Variants in CD84 observed in about 807,000 individuals in gnomAD.
CD84 encodes the protein SLAM family member 5.
A neutral mutation model predicts 33.8 loss-of-function variants in CD84; 22 were observed. The observed-to-expected ratio is 0.65, with a 90% CI of 0.46 to 0.93. The LOEUF is 0.93. CD84 is among the 40% of genes least tolerant of loss of function. The probability of loss-of-function intolerance (pLI) is 0.00; values close to 1 mark genes in which losing one functional copy is unlikely to be tolerated. For synonymous variants in CD84, 154 were observed against 145.2 expected (o/e 1.06, Z -0.44); for missense variants, 400 against 397.6 (o/e 1.01, Z -0.05).
At chr1:160,574,734 T>G (rs2102209860) in intron 1 of CD84, among the ~76,000 whole-genome samples, 1 of 152,238 alleles carries the variant, frequency 6.6e-6, no homozygotes, top group African/African-American at 2.4e-5. Flanking sequence ...GTCAGTAACC[T>G]CTCTGTGCCT....
In CD84 at chr1:160,553,995, G is replaced by A. The variant is rs1452229493; in HGVS notation, c.540C>T (p.Ile180=). The stretch of plus-strand genomic sequence containing the variant: ...GCTCTTGGTCCTCAGGAGTCTGGAA[G>A]ATTTGAAGGACATTACCCTCTTCTC... ...PLGEEGNVLQ[I]FQTPEDQELT... The change falls in exon 3 of 7, where the codon ATC becomes ATT. Residue 180 remains isoleucine, a synonymous_variant. Transcript: ENST00000368054. 7 of 1,614,228 alleles carry A rather than the reference G, an allele frequency of 4.3e-6. No individual in the cohort carries two copies. The South Asian group carries it at 7.7e-5, about 18-fold the overall frequency.
At position 160,551,030 on chromosome 1, in the gene CD84, C is replaced by T. The variant is rs1281856490; in HGVS notation, c.766G>A (p.Ala256Thr). ...FRLFKRRQDA[A>T]SKKTIYTYIM... ...TATGTGTATATGGTTTTCTTTGAGG[C>T]AGCATCTGTCTCACAAATAAATATA... The change falls in exon 5 of 7, where the codon GCC becomes ACC. Residue 256 changes from alanine (A) to threonine (T), a missense_variant. Transcript: ENST00000368054. 5 of 1,611,876 alleles carry T rather than the reference C, an allele frequency of 3.1e-6. No homozygotes were observed. The East Asian group carries it at 1.1e-4, about 36-fold the overall frequency.
At chr1:160,568,798 T>C (rs1410753127) in intron 1 of CD84, among the ~76,000 whole-genome samples, 2 of 152,080 alleles carry the variant, frequency 1.3e-5, no homozygotes, top group Non-Finnish European at 2.9e-5. Flanking sequence ...TTTTTGTATT[T>C]TTAGTAGAGA....
At chr1:160,555,454 A>G (rs1204483406) in intron 2 of CD84, among the ~76,000 whole-genome samples, 2 of 152,162 alleles carry the variant, frequency 1.3e-5, no homozygotes, top group East Asian at 3.8e-4. Context: ...TTTAAAAACT[A>G]TCCATGGTGG....
At chr1:160,573,368 A>G (rs1438014027) in intron 1 of CD84, among the ~76,000 whole-genome samples, 1 of 152,108 alleles carries the variant, frequency 6.6e-6, no homozygotes, top group Admixed American at 6.5e-5. Flanking sequence ...TCTATTAAAA[A>G]TGAACACAGT....
chr1:160,567,576 G>T (rs1657409419), intron 1 of CD84, among the ~76,000 whole-genome samples: 1 of 152,156 alleles, frequency 6.6e-6, no homozygotes, highest in Non-Finnish European at 1.5e-5. Context: ...GGGACACAGG[G>T]ATAAACAGGA....
intron 1 of CD84, among the ~76,000 whole-genome samples, chr1:160,577,531 T>C (rs747281530): frequency 6.6e-6 from 1 of 152,174 alleles, no homozygotes; most frequent in Non-Finnish European, 1.5e-5. Context: ...CTAGTTTCCT[T>C]TTCCAGAACC....
chr1:160,560,941 C>T (rs1474325721), intron 2 of CD84, among the ~76,000 whole-genome samples: 1 of 152,024 alleles, frequency 6.6e-6, no homozygotes, highest in Non-Finnish European at 1.5e-5. Flanking sequence ...CAAGACTGAG[C>T]CAGGAAGAAG....
intron 1 of CD84, among the ~76,000 whole-genome samples, chr1:160,574,168 A>G (rs1186053848): frequency 1.3e-5 from 2 of 151,792 alleles, no homozygotes; most frequent in Non-Finnish European, 2.9e-5. Context: ...AATCTTTTCC[A>G]ACAATAGAAA....
rs1233836925 is a variant in CD84 at position 160,545,299 on chromosome 1, G to A, written c.*2957C>T. On this transcript the variant is annotated 3_prime_UTR_variant, in exon 7 of 7. Coordinates refer to ENST00000368054, the MANE Select transcript of CD84 (RefSeq NM_003874.4). ...TTAGGACACTAGTAATTTTACTTGA[G>A]TGAGCATATTAGGAAGAGGAAGAGG... 6.6e-6 allele frequency: 1 copy of A among 152,202 alleles called. No individual in the cohort carries two copies. Among genetic ancestry groups the A allele is most frequent in the Non-Finnish European group, 1.5e-5 (1 of 68,054 alleles). 9.4% of individuals were successfully genotyped at this position (152,202 alleles called of 1,614,324 possible).
At chr1:160,558,598 T>C (rs1445974968) in intron 2 of CD84, among the ~76,000 whole-genome samples, 1 of 152,118 alleles carries the variant, frequency 6.6e-6, no homozygotes, top group Non-Finnish European at 1.5e-5. Context: ...ATGACCACAA[T>C]ACCTCTCCAG....
chr1:160,567,684 G>A (rs759520788), intron 1 of CD84, among the ~76,000 whole-genome samples: 2 of 152,152 alleles, frequency 1.3e-5, no homozygotes, highest in Non-Finnish European at 2.9e-5. Flanking sequence ...AATGGTAAAA[G>A]CAATAGAAAT....
intron 6 of CD84, 86 bp from the exon 7 acceptor site, chr1:160,548,407 C>T: frequency 7.3e-7 from 1 of 1,372,398 alleles, no homozygotes; most frequent in Non-Finnish European, 1.0e-6. Context: ...AGGAGTTAAG[C>T]AAATGGCACG....
In CD84 at chr1:160,556,522, T is replaced by C. The variant is rs527245455; in HGVS notation, c.389-2376A>G. 1.1e-4 allele frequency among the ~76,000 whole-genome samples: 16 copies of C among 152,378 alleles called. No individual in the cohort carries two copies. In the South Asian group the frequency reaches 2.7e-3, roughly 26 times the overall value. On this transcript the variant is annotated intron_variant, in intron 2 of 6. Coordinates refer to ENST00000368054, the MANE Select transcript of CD84 (RefSeq NM_003874.4). ...TGCTGGTATGCACATTAATTATCTATGGAAGACACAGAAGAAGCTGGCTAC... is the reference window on the plus strand; with the variant it reads ...TGCTGGTATGCACATTAATTATCTACGGAAGACACAGAAGAAGCTGGCTAC...
intron 1 of CD84, among the ~76,000 whole-genome samples, chr1:160,570,510 C>T (rs1657625271): frequency 6.6e-6 from 1 of 152,146 alleles, no homozygotes; most frequent in Non-Finnish European, 1.5e-5. Flanking sequence ...GGTCATATGA[C>T]TAAGTTCAGC....
chr1:160,567,436 TG>T (rs1241773751), intron 1 of CD84, among the ~76,000 whole-genome samples: 1 of 152,030 alleles, frequency 6.6e-6, no homozygotes, highest in Non-Finnish European at 1.5e-5. Context: ...AGGATTTAGT[TG>T]GGGGTTGGCT....
chr1:160,549,476 G>A (rs1449203055), intron 6 of CD84, among the ~76,000 whole-genome samples: 2 of 152,192 alleles, frequency 1.3e-5, no homozygotes, highest in Admixed American at 6.5e-5. Context: ...TGCAGGCTGC[G>A]TGTGGTAAAA....
At position 160,553,490 on chromosome 1, in the gene CD84, T is replaced by G. The variant is rs1557971707; in HGVS notation, c.648A>C (p.Ala216=). The part of the protein sequence containing the change: ...ISARQLCADI[A]MGFRTHHTGL... ...CGGTGTGGTGAGTACGGAAGCCCAT[T>G]GCGATGTCTGGAAATAGAAGATGCA... Residue 216 remains alanine, a synonymous_variant, in exon 4 of 7, where the codon GCA becomes GCC. Coordinates refer to ENST00000368054, the MANE Select transcript of CD84 (RefSeq NM_003874.4). The G allele has an allele frequency of 1.2e-6, 2 of 1,614,006 alleles. No homozygotes were observed. The highest frequency in any genetic ancestry group is 1.7e-6 in the Non-Finnish European group (2 of 1,180,006).
intron 2 of CD84, among the ~76,000 whole-genome samples, chr1:160,554,883 C>T (rs1296138820): frequency 7.1e-6 from 1 of 141,396 alleles, no homozygotes. Flanking sequence ...CTCTAGTGCC[C>T]TCTCAGCAAA....
Sources: allele counts gnomAD v4.1 joint callset (sites outside exome capture counted in the v4.1 genomes callset), GRCh38; gene constraint gnomAD v4.1.1; transcripts MANE v1.5; gene names NCBI Gene and HGNC (gene_info 2026-07-23, HGNC 2026-07-21).